Variants in PAPPA2 observed in about 807,000 individuals in gnomAD.
The protein encoded by PAPPA2 is pappalysin-2.
A neutral mutation model predicts 176.4 loss-of-function variants in PAPPA2; 86 were observed. The observed-to-expected ratio is 0.49, with a 90% CI of 0.41 to 0.58. The LOEUF (loss-of-function observed/expected upper bound fraction) is 0.58. Among genes scored for constraint, PAPPA2 ranks in the 20% least tolerant of loss-of-function variants. PAPPA2 has a pLI of 0.00. For missense variants in PAPPA2, 2,073 were observed against 2,256.9 expected (o/e 0.92, Z 1.65); for synonymous variants, 809 against 852.2 (o/e 0.95, Z 0.88).
At chr1:176,759,059 C>T (rs1663570888) in intron 14 of PAPPA2, among the ~76,000 whole-genome samples, 1 of 152,244 alleles carries the variant, frequency 6.6e-6, no homozygotes, top group Non-Finnish European at 1.5e-5. Flanking sequence ...CTACTTTCTT[C>T]ATCACATTGT....
intron 3 of PAPPA2, among the ~76,000 whole-genome samples, chr1:176,618,136 A>G (rs1308298129): frequency 6.6e-6 from 1 of 152,228 alleles, no homozygotes; most frequent in Non-Finnish European, 1.5e-5. Context: ...TTCTGACCCC[A>G]GTAAGTACTG....
chr1:176,498,576 C>T (rs1647764617), intron 1 of PAPPA2, among the ~76,000 whole-genome samples: 1 of 151,744 alleles, frequency 6.6e-6, no homozygotes, highest in Non-Finnish European at 1.5e-5. Context: ...ATGATGAAAC[C>T]CAGTCTCTCC....
Position 176,627,305 on chromosome 1 carries a change from A to G in PAPPA2, c.1991+31710A>G, listed in dbSNP as rs180880031. Reference sequence around the variant, plus strand: ...AAAAGTTGGTTGGATTAAGTCAACAACTTGTTACCCATAAGTTGTTTTTTA... The same window carrying G: ...AAAAGTTGGTTGGATTAAGTCAACAGCTTGTTACCCATAAGTTGTTTTTTA... On this transcript the variant is annotated intron_variant, in intron 3 of 22. Transcript: ENST00000367662. Among the ~76,000 whole-genome samples the G allele has an allele frequency of 2.9e-3, 446 of 152,316 alleles. 3 individuals carry two copies. The highest frequency in any genetic ancestry group is 7.8e-3 in the African/African-American group (325 of 41,568).
chr1:176,729,269 C>G (rs1427349507), intron 12 of PAPPA2, among the ~76,000 whole-genome samples: 1 of 151,932 alleles, frequency 6.6e-6, no homozygotes, highest in Non-Finnish European at 1.5e-5. Context: ...ATTGTAGTCT[C>G]GAGTTGATTA....
intron 1 of PAPPA2, among the ~76,000 whole-genome samples, chr1:176,493,023 G>T (rs1216420241): frequency 1.3e-5 from 2 of 152,170 alleles, no homozygotes; most frequent in Non-Finnish European, 2.9e-5. Context: ...AGTAAAGAAT[G>T]TTGGTCACAA....
At chr1:176,482,223 C>A (rs1461490822) in intron 1 of PAPPA2, among the ~76,000 whole-genome samples, 1 of 152,188 alleles carries the variant, frequency 6.6e-6, no homozygotes, top group Non-Finnish European at 1.5e-5. Context: ...ATCTATTAGT[C>A]CAAATCCTTT....
chr1:176,686,801 G>A (rs1659859702), intron 4 of PAPPA2, among the ~76,000 whole-genome samples: 1 of 152,158 alleles, frequency 6.6e-6, no homozygotes, highest in African/African-American at 2.4e-5. Flanking sequence ...AGAAATCTTA[G>A]TGATAAGCCA....
intron 3 of PAPPA2, among the ~76,000 whole-genome samples, chr1:176,629,164 G>A (rs190977850): frequency 6.6e-6 from 1 of 152,168 alleles, no homozygotes; most frequent in Non-Finnish European, 1.5e-5. Context: ...CAGTTGGCAG[G>A]ATTTCAGAGT....
chr1:176,728,952 A>G (rs1232105215), intron 12 of PAPPA2, among the ~76,000 whole-genome samples: 1 of 151,960 alleles, frequency 6.6e-6, no homozygotes, highest in African/African-American at 2.4e-5. Context: ...AGATGATGGG[A>G]AAAATGTGGT....
At chr1:176,749,976 G>A (rs899955938) in intron 14 of PAPPA2, among the ~76,000 whole-genome samples, 1 of 152,094 alleles carries the variant, frequency 6.6e-6, no homozygotes, top group Non-Finnish European at 1.5e-5. Context: ...ATTTTTAAAT[G>A]TCTTTGAATA....
chr1:176,778,464 A>G (rs1435180226), intron 17 of PAPPA2, among the ~76,000 whole-genome samples: 2 of 152,234 alleles, frequency 1.3e-5, no homozygotes, highest in Non-Finnish European at 2.9e-5. Context: ...TTTTTGAACC[A>G]TAGCTTGAAA....
intron 14 of PAPPA2, among the ~76,000 whole-genome samples, chr1:176,748,113 A>G (rs919103663): frequency 2.6e-5 from 4 of 152,166 alleles, no homozygotes; most frequent in African/African-American, 9.7e-5. Flanking sequence ...CCCACACTCA[A>G]GTTGTGGAGA....
chr1:176,505,467 C>T (rs1350199016), intron 1 of PAPPA2, among the ~76,000 whole-genome samples: 2 of 152,028 alleles, frequency 1.3e-5, no homozygotes, highest in African/African-American at 4.8e-5. Context: ...AGTAGAGAAA[C>T]ACGTGAAGTG....
intron 1 of PAPPA2, among the ~76,000 whole-genome samples, chr1:176,537,911 A>G (rs1205994900): frequency 6.6e-6 from 1 of 151,758 alleles, no homozygotes; most frequent in East Asian, 1.9e-4. Context: ...ATTTAATCTC[A>G]TGTTTCATGG....
intron 14 of PAPPA2, 105 bp downstream of exon 14, chr1:176,740,301 G>A: frequency 8.6e-7 from 1 of 1,163,634 alleles, no homozygotes; most frequent in Admixed American, 2.6e-5. Context: ...ATCACTAACT[G>A]AAAAATGAAT....
intron 1 of PAPPA2, among the ~76,000 whole-genome samples, chr1:176,543,233 C>T (rs1488315506): frequency 6.6e-6 from 1 of 152,158 alleles, no homozygotes; most frequent in Non-Finnish European, 1.5e-5. Flanking sequence ...CATGTGTGGC[C>T]ACCTATTCTT....
intron 1 of PAPPA2, among the ~76,000 whole-genome samples, chr1:176,507,313 A>G (rs1648330827): frequency 6.6e-6 from 1 of 152,148 alleles, no homozygotes; most frequent in African/African-American, 2.4e-5. Context: ...CTGTGGACAA[A>G]AGGGAACTCT....
chr1:176,696,620 G>T (rs1207357433), intron 7 of PAPPA2, among the ~76,000 whole-genome samples: 1 of 152,170 alleles, frequency 6.6e-6, no homozygotes, highest in Non-Finnish European at 1.5e-5. Context: ...AGAAAATACT[G>T]TTGACAGGAT....
chr1:176,825,028 C>G (rs75506204), intron 21 of PAPPA2, among the ~76,000 whole-genome samples: 1,541 of 152,114 alleles, frequency 0.01, 31 homozygotes, highest in African/African-American at 0.035. Flanking sequence ...CCAGCCTGAG[C>G]GCCAACCCTG....
Sources: allele counts gnomAD v4.1 joint callset (sites outside exome capture counted in the v4.1 genomes callset), GRCh38; gene constraint gnomAD v4.1.1; transcripts MANE v1.5; gene names NCBI Gene and HGNC (gene_info 2026-07-23, HGNC 2026-07-21).